Variants in MTR observed in about 807,000 individuals in gnomAD.
MTR encodes the protein 5-methyltetrahydrofolate-homocysteine methyltransferase, also known as methionine synthase.
In MTR, 84 loss-of-function variants were observed where a neutral mutation model predicts 154.8. The ratio of observed to expected loss-of-function variants is 0.54; its 90% CI spans 0.45 to 0.65. MTR has a LOEUF of 0.65. Ranked by LOEUF, MTR falls within the 30% of genes least tolerant of loss-of-function variation. MTR has a pLI of 0.00. For missense variants in MTR, 1,275 were observed against 1,570.2 expected (o/e 0.81, Z 3.18); for synonymous variants, 554 against 553.9 (o/e 1.00, Z 0.00).
At chr1:236,797,271 C>G (rs1660447345) in intron 1 of MTR, among the ~76,000 whole-genome samples, 1 of 152,116 alleles carries the variant, frequency 6.6e-6, no homozygotes, top group Non-Finnish European at 1.5e-5. Context: ...AATTTACTGG[C>G]GTACAATCTT....
chr1:236,812,676 AC>A (rs1288038143), intron 5 of MTR, 61 bp from the exon 6 acceptor site: 1 of 1,308,586 alleles, frequency 7.6e-7, no homozygotes, highest in African/African-American at 1.5e-5. Flanking sequence ...CACTCGAGAT[AC>A]CCTAGGGCCA....
intron 15 of MTR, among the ~76,000 whole-genome samples, chr1:236,844,425 A>C (rs1440698309): frequency 2.0e-5 from 3 of 151,236 alleles, no homozygotes; most frequent in East Asian, 3.9e-4. Flanking sequence ...GGTGGAAACC[A>C]GGGGGGAAAT....
chr1:236,808,683 C>T lies in MTR; in HGVS notation c.340-21C>T, dbSNP rs113277607. ...GCGGAGGAAAAGAAGGACAAGCTAA[C>T]GTTTGTGGTTGATACGTTAGGCCTA... On this transcript the variant is annotated intron_variant, in intron 3 of 32. Coordinates refer to ENST00000366577, the MANE Select transcript of MTR (RefSeq NM_000254.3). 9.2e-3 allele frequency: 14,879 copies of T among 1,611,980 alleles called. 799 individuals are homozygous for T. In the African/African-American group the frequency reaches 0.14, roughly 15 times the overall value.
chr1:236,795,415 G>A lies in MTR; in HGVS notation c.-289G>A. ...GTGCCGTCCCGCGACTCCGCCTCTG[G>A]CCGCGCGTGTCTGGCTGCTAGGCCG... On this transcript the variant is annotated 5_prime_UTR_variant, in exon 1 of 33. It introduces an in-frame stop codon into an upstream open reading frame of the 5' UTR. Coordinates refer to ENST00000366577, the MANE Select transcript of MTR (RefSeq NM_000254.3). 6.8e-7 allele frequency: 1 copy of A among 1,460,926 alleles called. No homozygotes were observed. Among genetic ancestry groups the A allele is most frequent in the South Asian group, 1.2e-5 (1 of 82,510 alleles). 90.5% of individuals were successfully genotyped at this position (1,460,926 alleles called of 1,614,324 possible).
chr1:236,902,798 C>G lies in MTR; in HGVS notation c.*5154C>G, dbSNP rs1294625810. On this transcript the variant is annotated 3_prime_UTR_variant, in exon 33 of 33. Transcript: ENST00000366577. Reference sequence around the variant, plus strand: ...TTAGATGCGGCCCAAGTGATACTTTCTTTACCGTCCCGTGAAGACAGCATA... The same window carrying G: ...TTAGATGCGGCCCAAGTGATACTTTGTTTACCGTCCCGTGAAGACAGCATA... 4 of 152,210 alleles carry G rather than the reference C, an allele frequency of 2.6e-5. No individual in the cohort carries two copies. Among genetic ancestry groups the G allele is most frequent in the African/African-American group, 9.7e-5 (4 of 41,440 alleles). 9.4% of individuals were successfully genotyped at this position (152,210 alleles called of 1,614,324 possible).
intron 24 of MTR, among the ~76,000 whole-genome samples, chr1:236,878,154 C>T (rs1367392372): frequency 6.6e-6 from 1 of 151,938 alleles, no homozygotes; most frequent in Non-Finnish European, 1.5e-5. Flanking sequence ...TTAGTGCTGT[C>T]TTTGGATAAC....
At chr1:236,836,592 T>TG (rs1662922565) in intron 14 of MTR, among the ~76,000 whole-genome samples, 1 of 152,316 alleles carries the variant, frequency 6.6e-6, no homozygotes, top group African/African-American at 2.4e-5. Flanking sequence ...CTCTAAGAGT[T>TG]GCATTTTTCA....
At chr1:236,872,364 C>T (rs1346654416) in intron 22 of MTR, among the ~76,000 whole-genome samples, 1 of 152,120 alleles carries the variant, frequency 6.6e-6, no homozygotes, top group African/African-American at 2.4e-5. Context: ...CCCTCGGTGA[C>T]CTGCACCCTG....
At chr1:236,890,170 G>A (rs114687671) in intron 28 of MTR, among the ~76,000 whole-genome samples, 1 of 152,086 alleles carries the variant, frequency 6.6e-6, no homozygotes, top group African/African-American at 2.4e-5. Context: ...CTGGGTGTGC[G>A]TGTTCGGATG....
chr1:236,798,014 G>A (rs1660498926), intron 1 of MTR, among the ~76,000 whole-genome samples: 1 of 151,948 alleles, frequency 6.6e-6, no homozygotes, highest in Non-Finnish European at 1.5e-5. Flanking sequence ...TAGCAAGTCT[G>A]TGCAAACTAG....
At chr1:236,850,698 A>G (rs568619693) in intron 16 of MTR, among the ~76,000 whole-genome samples, 175 bp downstream of exon 16, 1 of 152,256 alleles carries the variant, frequency 6.6e-6, no homozygotes, top group African/African-American at 2.4e-5. Context: ...TAGAGTTTTA[A>G]CTTGTGTAAC....
Position 236,874,787 on chromosome 1 carries a change from G to A in MTR, c.2535G>A (p.Lys845=), listed in dbSNP as rs1665339695. 1 of 1,613,274 alleles carries A rather than the reference G, an allele frequency of 6.2e-7. No individual in the cohort carries two copies. Among genetic ancestry groups the A allele is most frequent in the Non-Finnish European group, 8.5e-7 (1 of 1,179,640 alleles). ...TGGATGAAATGATTTTTGTTGCCAA[G>A]GAAATGGAGAGATTAGCTATAAGGA... ...PSLDEMIFVA[K]EMERLAIRIP... is the part of the protein sequence containing the mutation. Residue 845 remains lysine, a synonymous_variant, in exon 24 of 33, where the codon AAG becomes AAA. Coordinates refer to ENST00000366577, the MANE Select transcript of MTR (RefSeq NM_000254.3).
At chr1:236,871,135 G>A (rs1309707807) in intron 22 of MTR, among the ~76,000 whole-genome samples, 3 of 152,148 alleles carry the variant, frequency 2.0e-5, no homozygotes, top group African/African-American at 7.2e-5. Context: ...CCTTGTAGTG[G>A]TCTGCAAGGC....
At chr1:236,811,947 C>T (rs1033550584) in intron 5 of MTR, among the ~76,000 whole-genome samples, 2 of 152,208 alleles carry the variant, frequency 1.3e-5, no homozygotes, top group Non-Finnish European at 2.9e-5. Context: ...TGAGCATTAT[C>T]TTGGCTTACT....
At chr1:236,811,749 T>G (rs1269801990) in intron 5 of MTR, 1 of 454,462 alleles carries the variant, frequency 2.2e-6, no homozygotes, top group Non-Finnish European at 4.4e-6. Context: ...AACTGCATCT[T>G]TAAGCAAAAT....
intron 1 of MTR, chr1:236,800,318 A>C: frequency 1.0e-6 from 1 of 985,426 alleles, no homozygotes. Context: ...ATACCTTTTA[A>C]ATATGAAATT....
At chr1:236,821,045 C>T (rs891357119) in intron 8 of MTR, among the ~76,000 whole-genome samples, 1 of 152,210 alleles carries the variant, frequency 6.6e-6, no homozygotes, top group Non-Finnish European at 1.5e-5. Flanking sequence ...GCAAGTCTGT[C>T]ATATTCTACT....
chr1:236,857,223 CTGG>C (rs1664261073), intron 18 of MTR, among the ~76,000 whole-genome samples: 1 of 152,220 alleles, frequency 6.6e-6, no homozygotes, highest in Non-Finnish European at 1.5e-5. Context: ...GCCATTCTAA[CTGG>C]CGTGATATGG....
intron 32 of MTR, among the ~76,000 whole-genome samples, 192 bp downstream of exon 32, chr1:236,897,310 G>GCACGCGCACACACACACACA (rs1373475510): frequency 3.9e-5 from 5 of 128,614 alleles, no homozygotes; most frequent in African/African-American, 1.1e-4. Context: ...CCACACACAC[G>GCACGCGCACACACACACACA]CACACACACA....
Sources: allele counts gnomAD v4.1 joint callset (sites outside exome capture counted in the v4.1 genomes callset), GRCh38; gene constraint gnomAD v4.1.1; transcripts MANE v1.5; gene names NCBI Gene and HGNC (gene_info 2026-07-23, HGNC 2026-07-21).